ATP6V0A1: variants seen among roughly 807,000 people sequenced by gnomAD.
ATP6V0A1 encodes V-type proton ATPase 116 kDa subunit a 1.
ATP6V0A1 carries 43 observed loss-of-function variants against 105.4 expected under a neutral mutation model. The observed-to-expected ratio is 0.41, with a 90% CI of 0.32 to 0.53. ATP6V0A1 has a LOEUF of 0.53. Among genes scored for constraint, ATP6V0A1 ranks in the 20% least tolerant of loss-of-function variants. The pLI is 0.30. For synonymous variants in ATP6V0A1, 362 were observed against 372.8 expected, an observed-to-expected ratio of 0.97 and a Z score of 0.33; for missense variants, 676 against 1,051.1, an observed-to-expected ratio of 0.64 and a Z score of 4.93.
intron 19 of ATP6V0A1, chr17:42,510,293 CAAG>C (rs200808303): frequency 0.022 from 3,298 of 152,336 alleles, 45 homozygotes; most frequent in Non-Finnish European, 0.031. Flanking sequence ...GCTGCAGAAA[CAAG>C]AAGAATATAG....
At chr17:42,471,923 G>T (rs1397023423) in intron 5 of ATP6V0A1, among the ~76,000 whole-genome samples, 1 of 152,104 alleles carries the variant, frequency 6.6e-6, no homozygotes, top group Non-Finnish European at 1.5e-5. Flanking sequence ...AGGTGTCTTT[G>T]CCACCAGATT....
chr17:42,466,534 G>C, intron 3 of ATP6V0A1, 27 bp downstream of exon 3: 1 of 1,572,074 alleles, frequency 6.4e-7, no homozygotes, highest in Non-Finnish European at 8.8e-7. Context: ...CTTGTGTAAT[G>C]TTCCTTTAAT....
intron 14 of ATP6V0A1, among the ~76,000 whole-genome samples, chr17:42,498,053 C>T (rs1177857304): frequency 1.3e-5 from 2 of 152,210 alleles, no homozygotes; most frequent in East Asian, 3.9e-4. Context: ...GAGTTTGAGA[C>T]CAGCCTGGCC....
At chr17:42,474,981 G>T (rs1167623746) in intron 5 of ATP6V0A1, among the ~76,000 whole-genome samples, 1 of 152,164 alleles carries the variant, frequency 6.6e-6, no homozygotes, top group Non-Finnish European at 1.5e-5. Context: ...TGCTTATGAA[G>T]AACTGTAAGA....
In ATP6V0A1 at chr17:42,472,613, A is replaced by G. The variant is rs576761045; in HGVS notation, c.423+2395A>G. Among the ~76,000 whole-genome samples, 478 of 152,024 alleles carry G rather than the reference A, an allele frequency of 3.1e-3. 5 individuals carry two copies. Among genetic ancestry groups the G allele is most frequent in the African/African-American group, 0.011 (461 of 41,488 alleles). ...GTGGCGGGCGCCTATAATCCCAGCT[A>G]TTCATGAGGCTGAGGCAGGAGAATC... On this transcript the variant is annotated intron_variant, in intron 5 of 21. Transcript: ENST00000343619.
chr17:42,477,404 CT>C (rs1308330038), intron 5 of ATP6V0A1, among the ~76,000 whole-genome samples: 1 of 151,998 alleles, frequency 6.6e-6, no homozygotes, highest in Non-Finnish European at 1.5e-5. Flanking sequence ...CCTTTTGCTC[CT>C]TATTTCTAAA....
At chr17:42,484,362 T>C (rs1567831068) in intron 9 of ATP6V0A1, among the ~76,000 whole-genome samples, 2 of 152,116 alleles carry the variant, frequency 1.3e-5, no homozygotes, top group Admixed American at 6.6e-5. Context: ...CGGCTGATAG[T>C]TTTTATGATA....
chr17:42,508,195 G>C (rs1323734952), intron 18 of ATP6V0A1, among the ~76,000 whole-genome samples: 1 of 152,220 alleles, frequency 6.6e-6, no homozygotes, highest in East Asian at 1.9e-4. Flanking sequence ...CACTCTCCTT[G>C]CCTGACCCCT....
At chr17:42,459,116 C>T (rs2086085941) in intron 1 of ATP6V0A1, 153 bp downstream of exon 1, 1 of 152,268 alleles carries the variant, frequency 6.6e-6, no homozygotes, top group African/African-American at 2.4e-5. Context: ...GGGCACCCCT[C>T]CTCTGCCCTG....
At chr17:42,499,157 A>G in intron 15 of ATP6V0A1, 115 bp downstream of exon 15, 1 of 778,578 alleles carries the variant, frequency 1.3e-6, no homozygotes, top group Non-Finnish European at 2.1e-6. Context: ...ATTCTACATT[A>G]TAGAAGTGCT....
At chr17:42,487,040 A>C in intron 9 of ATP6V0A1, 115 bp from the exon 10 acceptor site, 1 of 1,026,708 alleles carries the variant, frequency 9.7e-7, no homozygotes. Context: ...CAGAGGAAGA[A>C]AAAGACAATT....
chr17:42,502,442 C>T (rs1194902227), intron 17 of ATP6V0A1, among the ~76,000 whole-genome samples: 1 of 152,132 alleles, frequency 6.6e-6, no homozygotes, highest in Non-Finnish European at 1.5e-5. Flanking sequence ...TTTTAAAAAG[C>T]AGCATATGTA....
chr17:42,499,198 C>T (rs954845604), intron 15 of ATP6V0A1, among the ~76,000 whole-genome samples, 156 bp downstream of exon 15: 6 of 152,248 alleles, frequency 3.9e-5, no homozygotes, highest in African/African-American at 9.6e-5. Context: ...TGGCCAGGCG[C>T]GGTGGATCAT....
At chr17:42,465,239 CT>C (rs2086899132) in intron 2 of ATP6V0A1, among the ~76,000 whole-genome samples, 1 of 151,862 alleles carries the variant, frequency 6.6e-6, no homozygotes, top group South Asian at 2.1e-4. Flanking sequence ...GATAATCCTC[CT>C]GCCTCAGCTT....
chr17:42,491,341 C>T (rs545116612), intron 11 of ATP6V0A1, among the ~76,000 whole-genome samples: 7 of 152,224 alleles, frequency 4.6e-5, no homozygotes, highest in South Asian at 4.1e-4. Flanking sequence ...GACGGAGTCT[C>T]GCTGTGTCAC....
intron 9 of ATP6V0A1, 61 bp from the exon 10 acceptor site, chr17:42,487,094 T>C: frequency 6.6e-7 from 1 of 1,521,662 alleles, no homozygotes; most frequent in South Asian, 1.1e-5. Context: ...TTGCCATTCA[T>C]ACCCTGAGAT....
intron 21 of ATP6V0A1, chr17:42,520,032 T>G (rs1250651618): frequency 6.1e-6 from 1 of 163,516 alleles, no homozygotes; most frequent in Non-Finnish European, 1.3e-5. Flanking sequence ...AAAAGCTGAG[T>G]TAGGGAACTA....
chr17:42,521,200 G>T lies in ATP6V0A1; in HGVS notation c.*80G>T. The T allele has an allele frequency of 4.6e-6, 6 of 1,297,902 alleles. No individual in the cohort carries two copies. The South Asian group carries it at 8.7e-5, about 19-fold the overall frequency. The allele number at this position is 1,297,902 out of a possible 1,614,324, so 80.4% of individuals were successfully genotyped here. A position where few individuals can be genotyped will look rare whatever the true frequency, so the allele number is the denominator to read the frequency against. On this transcript the variant is annotated 3_prime_UTR_variant, in exon 22 of 22. Transcript: ENST00000343619. The surrounding 1 kb of genome is among the most constrained non-coding windows in gnomAD (Gnocchi z 4.8). ...ATCAGCTGTGCCTCTCTGCCTGTTGGTTGTGATCTGTGGGCACCAGCTCAT... is the reference window on the plus strand; with the variant it reads ...ATCAGCTGTGCCTCTCTGCCTGTTGTTTGTGATCTGTGGGCACCAGCTCAT...
At chr17:42,462,938 A>G (rs1278732174) in intron 2 of ATP6V0A1, among the ~76,000 whole-genome samples, 1 of 145,354 alleles carries the variant, frequency 6.9e-6, no homozygotes, top group East Asian at 2.1e-4. Flanking sequence ...TAAGAGTACA[A>G]TTTGCTGAAT....
Sources: gnomAD v4.1 joint callset for allele counts (sites outside exome capture counted in the v4.1 genomes callset) on GRCh38, gnomAD v4.1.1 for gene constraint, Gnocchi (gnomAD v3.1) non-coding constraint, MANE v1.5 for transcripts, NCBI Gene and HGNC (gene_info 2026-07-23, HGNC 2026-07-21) for gene names.